The following CDK14 variants were observed in gnomAD, a reference collection of about 807,000 sequenced individuals.
The protein encoded by CDK14 is cyclin dependent kinase 14.
CDK14 carries 34 observed loss-of-function variants against 60.7 expected under a neutral mutation model. That is an observed-to-expected ratio of 0.56 (90% CI 0.43 to 0.75). The LOEUF is 0.75. CDK14 is among the 30% of genes least tolerant of loss of function. The pLI, the probability that CDK14 is intolerant of heterozygous loss-of-function variation, is 0.00. For synonymous variants in CDK14, 197 were observed against 203.7 expected (o/e 0.97, Z 0.28); for missense variants, 482 against 564.1 (o/e 0.85, Z 1.47).
At chr7:90,714,889 G>A (rs1802191647) in intron 2 of CDK14, among the ~76,000 whole-genome samples, 1 of 151,994 alleles carries the variant, frequency 6.6e-6, no homozygotes, top group South Asian at 2.1e-4. Flanking sequence ...GATGTATGTT[G>A]TATTTATATA....
rs897253262 is a variant in CDK14, at chr7:90,609,972, A to AG, written c.123+5725dup. ...TGCTTTACCCTTATTTGGTTTCTGCAGGAACTGCATCTTACTGGGACTGTC... is the reference window on the plus strand; with the variant it reads ...TGCTTTACCCTTATTTGGTTTCTGCAGGGAACTGCATCTTACTGGGACTGTC... On this transcript the variant is annotated intron_variant, in intron 2 of 14. Coordinates refer to ENST00000380050, the MANE Select transcript of CDK14 (RefSeq NM_001287135.2). 2.5e-4 allele frequency among the ~76,000 whole-genome samples: 38 copies of AG among 152,180 alleles called. 2 individuals carry two copies. The highest frequency in any genetic ancestry group is 1.5e-5 in the Non-Finnish European group (1 of 68,044).
At chr7:91,176,127 A>G (rs1204886932) in intron 14 of CDK14, among the ~76,000 whole-genome samples, 3 of 151,794 alleles carry the variant, frequency 2.0e-5, no homozygotes, top group East Asian at 1.9e-4. Context: ...CCACAGTGCA[A>G]TCAAACTAGA....
chr7:90,603,711 T>G (rs1799361860), intron 1 of CDK14, among the ~76,000 whole-genome samples: 2 of 152,230 alleles, frequency 1.3e-5, no homozygotes, highest in Admixed American at 6.5e-5. Flanking sequence ...CATGTCGAAA[T>G]GTTTAAATTA....
chr7:91,134,596 G>A (rs989071308), intron 14 of CDK14, among the ~76,000 whole-genome samples: 14 of 152,076 alleles, frequency 9.2e-5, no homozygotes, highest in East Asian at 1.9e-4. Context: ...AATTTAGGCC[G>A]GGCATGGTAG....
In CDK14 at chr7:90,985,851, T is replaced by C. The variant is rs78206236; in HGVS notation, c.1041+1610T>C. Among the ~76,000 whole-genome samples, 817 of 152,306 alleles carry C rather than the reference T, an allele frequency of 5.4e-3. 7 individuals are homozygous for C. Among genetic ancestry groups the C allele is most frequent in the African/African-American group, 0.018 (731 of 41,566 alleles). ...GTTTTGTTCTTTCAGAAACCATCTG[T>C]ATCCACTTCCTTTCAATTTTATTTT... On this transcript the variant is annotated intron_variant, in intron 10 of 14. Transcript: ENST00000380050.
At chr7:91,079,561 A>G (rs1798425921) in intron 12 of CDK14, 81 bp downstream of exon 12, 1 of 975,886 alleles carries the variant, frequency 1.0e-6, no homozygotes, top group South Asian at 1.4e-5. Flanking sequence ...TTTTCATGGC[A>G]TTGTTGATTC....
intron 11 of CDK14, among the ~76,000 whole-genome samples, chr7:91,055,816 G>C (rs977043923): frequency 6.6e-6 from 1 of 152,132 alleles, no homozygotes; most frequent in South Asian, 2.1e-4. Context: ...AGACAGGGAC[G>C]ATTTACTTGA....
intron 11 of CDK14, among the ~76,000 whole-genome samples, chr7:91,062,111 C>T (rs1163023845): frequency 6.6e-6 from 1 of 152,188 alleles, no homozygotes; most frequent in Non-Finnish European, 1.5e-5. Context: ...GGGCACCCCT[C>T]CCCCAGCCTC....
intron 9 of CDK14, among the ~76,000 whole-genome samples, chr7:90,960,603 T>C (rs1366279753): frequency 1.3e-5 from 2 of 152,296 alleles, no homozygotes; most frequent in African/African-American, 2.4e-5. Context: ...ATTTCGCATA[T>C]GTTAGAAAAG....
intron 12 of CDK14, chr7:91,107,567 G>A (rs1034197754): frequency 2.0e-5 from 3 of 152,228 alleles, no homozygotes; most frequent in African/African-American, 7.2e-5. Flanking sequence ...GAGGCTAGTT[G>A]TTGTATTAAA....
At chr7:90,962,341 C>T (rs2117594162) in intron 9 of CDK14, among the ~76,000 whole-genome samples, 1 of 152,194 alleles carries the variant, frequency 6.6e-6, no homozygotes, top group Admixed American at 6.5e-5. Flanking sequence ...ACAAAATTAG[C>T]TGGGCATGGT....
intron 11 of CDK14, among the ~76,000 whole-genome samples, chr7:91,064,033 AGT>A (rs1196436820): frequency 5.3e-5 from 8 of 152,196 alleles, no homozygotes; most frequent in Admixed American, 1.3e-4. Flanking sequence ...GGAATGATTA[AGT>A]AATCTGTTCA....
chr7:90,745,972 A>G (rs1803573431), intron 3 of CDK14, among the ~76,000 whole-genome samples: 2 of 152,158 alleles, frequency 1.3e-5, no homozygotes, highest in African/African-American at 2.4e-5. Flanking sequence ...GGTATTGGCT[A>G]TTTGAGTCCT....
chr7:91,106,695 A>G (rs1448852487), intron 12 of CDK14, among the ~76,000 whole-genome samples: 2 of 152,232 alleles, frequency 1.3e-5, no homozygotes, highest in African/African-American at 4.8e-5. Flanking sequence ...AGTTAAATAG[A>G]GTTAAATATT....
intron 8 of CDK14, among the ~76,000 whole-genome samples, chr7:90,938,959 T>C (rs1362790852): frequency 1.3e-5 from 2 of 152,162 alleles, no homozygotes; most frequent in Non-Finnish European, 1.5e-5. Flanking sequence ...TTTTAACATA[T>C]AGTCATAATT....
intron 14 of CDK14, among the ~76,000 whole-genome samples, chr7:91,187,838 C>T (rs1191503842): frequency 1.3e-5 from 2 of 152,194 alleles, no homozygotes; most frequent in African/African-American, 2.4e-5. Flanking sequence ...GGTCACCCCA[C>T]CATAATCTTA....
Position 91,118,227 on chromosome 7 carries a change from C to A in CDK14, c.*28+19C>A. 9.0e-7 allele frequency: 1 copy of A among 1,116,862 alleles called. No individual in the cohort carries two copies. 69.2% of individuals were successfully genotyped at this position (1,116,862 alleles called of 1,614,324 possible). A position where few individuals can be genotyped will look rare whatever the true frequency, so the allele number is the denominator to read the frequency against. On this transcript the variant is annotated intron_variant, in intron 14 of 14. Coordinates refer to ENST00000380050, the MANE Select transcript of CDK14 (RefSeq NM_001287135.2). ...CACACAGGTAAGAGGACCTGCTTTACCTGGAAAGTAATATTTAATGGATAT... is the reference window on the plus strand; with the variant it reads ...CACACAGGTAAGAGGACCTGCTTTAACTGGAAAGTAATATTTAATGGATAT...
At chr7:91,051,887 G>C (rs570661262) in intron 11 of CDK14, among the ~76,000 whole-genome samples, 1 of 152,270 alleles carries the variant, frequency 6.6e-6, no homozygotes, top group African/African-American at 2.4e-5. Flanking sequence ...TAAAGTGACA[G>C]TGCAATTTTT....
intron 3 of CDK14, among the ~76,000 whole-genome samples, chr7:90,736,297 C>T (rs1563063316): frequency 6.8e-6 from 1 of 147,490 alleles, no homozygotes; most frequent in Non-Finnish European, 1.5e-5. Flanking sequence ...CTGTCTGCTG[C>T]CTTTTTGTTC....
Sources: allele counts gnomAD v4.1 joint callset (sites outside exome capture counted in the v4.1 genomes callset), GRCh38; gene constraint gnomAD v4.1.1; transcripts MANE v1.5; gene names NCBI Gene and HGNC (gene_info 2026-07-23, HGNC 2026-07-21).